The following FLI1 variants were observed in gnomAD, a reference collection of about 807,000 sequenced individuals.
FLI1 encodes Fli-1 proto-oncogene, ETS transcription factor.
A neutral mutation model predicts 53.1 loss-of-function variants in FLI1; 13 were observed. The observed-to-expected ratio is 0.24, with a 90% CI of 0.16 to 0.39. The LOEUF (loss-of-function observed/expected upper bound fraction) is 0.39. FLI1 is among the 10% of genes least tolerant of loss of function. The probability of loss-of-function intolerance (pLI) is 1.00; values close to 1 mark genes in which losing one functional copy is unlikely to be tolerated. For synonymous variants in FLI1, 244 were observed against 236.7 expected (o/e 1.03, Z -0.28); for missense variants, 424 against 600.5 (o/e 0.71, Z 3.07).
In FLI1 at chr11:128,807,133, C is replaced by T. The variant is rs186138233; in HGVS notation, c.722-47C>T. 2.6e-5 allele frequency: 35 copies of T among 1,337,884 alleles called. No homozygotes were observed. The Admixed American group carries it at 6.7e-4, about 26-fold the overall frequency. 82.9% of individuals were successfully genotyped at this position (1,337,884 alleles called of 1,614,324 possible). A position where few individuals can be genotyped will look rare whatever the true frequency, so the allele number is the denominator to read the frequency against. ...ATCTGTCAAGACGTCTTGCTCCCCT[C>T]GGGGAGCTGGGTCCTACTCACTGCA... is the stretch of plus-strand genomic sequence containing the variant. On this transcript the variant is annotated intron_variant, in intron 6 of 8. Transcript: ENST00000527786.
chr11:128,755,366 G>T (rs1202265414), intron 1 of FLI1, among the ~76,000 whole-genome samples: 1 of 152,228 alleles, frequency 6.6e-6, no homozygotes, highest in Admixed American at 6.5e-5. Flanking sequence ...AGCAGAAGAT[G>T]CTACCTGATT....
chr11:128,696,187 G>A (rs928034946), intron 1 of FLI1, among the ~76,000 whole-genome samples: 21 of 152,138 alleles, frequency 1.4e-4, no homozygotes, highest in Admixed American at 1.4e-3. Context: ...TTTTTTTGTG[G>A]GTGGTAGGAG....
intron 6 of FLI1, chr11:128,806,295 A>G (rs1458896107): frequency 6.6e-6 from 1 of 152,168 alleles, no homozygotes; most frequent in Admixed American, 6.5e-5. Context: ...TCAAGCACAC[A>G]CAGAACTCCT....
chr11:128,720,905 G>A (rs369933747), intron 1 of FLI1, among the ~76,000 whole-genome samples: 4 of 152,212 alleles, frequency 2.6e-5, no homozygotes, highest in Admixed American at 2.6e-4. Flanking sequence ...TGCTTTCTGA[G>A]GGCTCTTTGT....
At chr11:128,703,757 C>A (rs531366093) in intron 1 of FLI1, among the ~76,000 whole-genome samples, 3 of 144,548 alleles carry the variant, frequency 2.1e-5, no homozygotes, top group Non-Finnish European at 3.0e-5. Flanking sequence ...GCAGGAGAAT[C>A]GCTTGAACCC....
At chr11:128,725,792 T>C (rs1322458437) in intron 1 of FLI1, among the ~76,000 whole-genome samples, 1 of 152,000 alleles carries the variant, frequency 6.6e-6, no homozygotes, top group Non-Finnish European at 1.5e-5. Context: ...TTGTGAAAAC[T>C]GTGTGCCAGT....
intron 1 of FLI1, among the ~76,000 whole-genome samples, chr11:128,752,618 A>G (rs1233928333): frequency 6.6e-6 from 1 of 152,212 alleles, no homozygotes; most frequent in Non-Finnish European, 1.5e-5. Flanking sequence ...TAGGCTGTAG[A>G]CCTGAATTTG....
chr11:128,751,091 G>C (rs1940622546), intron 1 of FLI1, among the ~76,000 whole-genome samples: 1 of 152,152 alleles, frequency 6.6e-6, no homozygotes, highest in Non-Finnish European at 1.5e-5. Flanking sequence ...GCCTGCAATG[G>C]AATGACACCC....
At chr11:128,740,684 G>A (rs1241020021) in intron 1 of FLI1, among the ~76,000 whole-genome samples, 2 of 152,226 alleles carry the variant, frequency 1.3e-5, no homozygotes, top group African/African-American at 4.8e-5. Context: ...TGACAGCAAT[G>A]TTTTAGATCA....
chr11:128,758,162 G>T lies in FLI1; in HGVS notation c.66G>T (p.Ala22=). The change falls in exon 2 of 9, where the codon GCG becomes GCT. Residue 22 remains alanine (A), a synonymous_variant. Transcript: ENST00000527786. ...VSDDQSLFDS[A]YGAAAHLPKA... is the part of the protein sequence containing the mutation. ...ACGACCAGTCCCTCTTTGACTCAGCGTACGGAGCGGCAGCCCATCTCCCCA... is the reference window on the plus strand; with the variant it reads ...ACGACCAGTCCCTCTTTGACTCAGCTTACGGAGCGGCAGCCCATCTCCCCA... 1 of 1,613,446 alleles carries T rather than the reference G, an allele frequency of 6.2e-7. No individual in the cohort carries two copies. Among genetic ancestry groups the T allele is most frequent in the Non-Finnish European group, 8.5e-7 (1 of 1,179,674 alleles).
chr11:128,726,653 G>A (rs1481664939), intron 1 of FLI1, among the ~76,000 whole-genome samples: 1 of 151,652 alleles, frequency 6.6e-6, no homozygotes, highest in African/African-American at 2.4e-5. Flanking sequence ...TATAGGAAAG[G>A]CAGGCCATCC....
At chr11:128,777,915 TG>T (rs1253133973) in intron 4 of FLI1, among the ~76,000 whole-genome samples, 3 of 152,208 alleles carry the variant, frequency 2.0e-5, no homozygotes, top group Non-Finnish European at 4.4e-5. Flanking sequence ...CCGTGATTGT[TG>T]GGGTTCTACC....
At chr11:128,737,799 G>T (rs112233582) in intron 1 of FLI1, among the ~76,000 whole-genome samples, 25 of 152,286 alleles carry the variant, frequency 1.6e-4, no homozygotes, top group South Asian at 6.2e-4. Context: ...CTTGTGGAAG[G>T]TTCACTTTCT....
At chr11:128,695,915 T>C (rs546603481) in intron 1 of FLI1, 1 of 152,376 alleles carries the variant, frequency 6.6e-6, no homozygotes, top group South Asian at 2.1e-4. Context: ...CCACTTACTC[T>C]GAAGGCCTCT....
At chr11:128,727,403 T>G (rs1035722284) in intron 1 of FLI1, among the ~76,000 whole-genome samples, 13 of 152,334 alleles carry the variant, frequency 8.5e-5, no homozygotes, top group African/African-American at 2.9e-4. Flanking sequence ...CCACTTTAAG[T>G]CCTCAAGAGG....
rs147743961 is a variant in FLI1, at chr11:128,774,177, G to A, written c.589+1192G>A. On this transcript the variant is annotated intron_variant, in intron 4 of 8. Transcript: ENST00000527786. Reference sequence around the variant, plus strand: ...GTTCCTCATGGGGCAGGGGCAACACGTGCTGGCTGGAGAAATGAAAAATCA... The same window carrying A: ...GTTCCTCATGGGGCAGGGGCAACACATGCTGGCTGGAGAAATGAAAAATCA... Among the ~76,000 whole-genome samples, 456 of 152,244 alleles carry A rather than the reference G, an allele frequency of 3.0e-3. 2 individuals are homozygous for A. Among genetic ancestry groups the A allele is most frequent in the African/African-American group, 0.01 (431 of 41,526 alleles).
chr11:128,780,236 C>T (rs1157109483), intron 4 of FLI1, among the ~76,000 whole-genome samples: 1 of 152,190 alleles, frequency 6.6e-6, no homozygotes, highest in East Asian at 1.9e-4. Flanking sequence ...TCAATACCAC[C>T]CCCGTCATCC....
Position 128,772,890 on chromosome 11 carries a change from A to G in FLI1, c.494A>G (p.Lys165Arg), listed in dbSNP as rs1288594591. The change falls in exon 4 of 9, where the codon AAG becomes AGG. Residue 165 changes from lysine to arginine, a missense_variant. Physicochemically the swap from Lys to Arg is conservative, Grantham distance 26. Transcript: ENST00000527786. Reference sequence around the variant, plus strand: ...TCCTTTTTCCAGAACATGGATGGCAAGGAACTGTGTAAAATGAACAAGGAG... The same window carrying G: ...TCCTTTTTCCAGAACATGGATGGCAGGGAACTGTGTAAAATGAACAAGGAG... ...DTSFFQNMDG[K>R]ELCKMNKEDF... 1.2e-6 allele frequency: 2 copies of G among 1,614,030 alleles called. No individual in the cohort carries two copies. The highest frequency in any genetic ancestry group is 1.1e-5 in the South Asian group (1 of 91,092).
intron 5 of FLI1, among the ~76,000 whole-genome samples, chr11:128,794,925 A>T (rs1349160245): frequency 6.6e-6 from 1 of 152,174 alleles, no homozygotes; most frequent in Non-Finnish European, 1.5e-5. Context: ...CAAATAAAAA[A>T]ATTAGCCAGG....
Sources: gnomAD v4.1 joint callset for allele counts (sites outside exome capture counted in the v4.1 genomes callset) on GRCh38, gnomAD v4.1.1 for gene constraint, MANE v1.5 for transcripts, NCBI Gene and HGNC (gene_info 2026-07-23, HGNC 2026-07-21) for gene names.